Variants in NPSR1 observed in about 807,000 individuals in gnomAD.
The protein encoded by NPSR1 is neuropeptide S receptor 1.
NPSR1 carries 48 observed loss-of-function variants against 46.9 expected under a neutral mutation model. That is an observed-to-expected ratio of 1.02 (90% CI 0.81 to 1.30). The LOEUF is 1.30. NPSR1 is among the 50% of genes most tolerant of loss of function. The probability of loss-of-function intolerance (pLI) is 0.00; values close to 1 mark genes in which losing one functional copy is unlikely to be tolerated. For missense variants in NPSR1, 450 were observed against 449.5 expected (o/e 1.00, Z -0.01); for synonymous variants, 176 against 168.1 (o/e 1.05, Z -0.36).
intron 1 of NPSR1, among the ~76,000 whole-genome samples, chr7:34,672,175 G>A (rs1037190148): frequency 5.3e-5 from 8 of 152,220 alleles, no homozygotes; most frequent in South Asian, 2.1e-4. Flanking sequence ...CATTTCATTC[G>A]TTTATTCAGC....
At chr7:34,681,452 T>C (rs1222510939) in intron 1 of NPSR1, among the ~76,000 whole-genome samples, 1 of 152,194 alleles carries the variant, frequency 6.6e-6, no homozygotes. Context: ...ATCAGGCAAC[T>C]ACAAGGTAAG....
intron 2 of NPSR1, among the ~76,000 whole-genome samples, chr7:34,737,070 C>T (rs1784713323): frequency 6.6e-6 from 1 of 151,940 alleles, no homozygotes; most frequent in East Asian, 1.9e-4. Context: ...TTCTACTCCA[C>T]TGAGAAAGCT....
chr7:34,844,971 T>C lies in NPSR1; in HGVS notation c.833T>C (p.Ile278Thr), dbSNP rs762578459. ...ATCAAGGCTATCAAGTATAGCATCA[T>C]CATCATTCTTGGTAAGCAATGTCCC... ...AKIKAIKYSI[I>T]IILAFICCWS... is the part of the protein sequence containing the mutation. The change falls in exon 7 of 9, where the codon ATC becomes ACC. Residue 278 changes from isoleucine to threonine, a missense_variant. By Grantham distance (89) the Ile-to-Thr change is moderately conservative. Transcript: ENST00000360581. 6.2e-7 allele frequency: 1 copy of C among 1,609,862 alleles called. No homozygotes were observed. The highest frequency in any genetic ancestry group is 8.5e-7 in the Non-Finnish European group (1 of 1,176,100).
Position 34,811,665 on chromosome 7 carries a change from G to T in NPSR1, c.385-105G>T, listed in dbSNP as rs1365263545. 24 of 706,010 alleles carry T rather than the reference G, an allele frequency of 3.4e-5. No homozygotes were observed. The Middle Eastern group carries it at 7.5e-4, about 22-fold the overall frequency. The allele number at this position is 706,010 out of a possible 1,614,324, so 43.7% of individuals were successfully genotyped here. A position where few individuals can be genotyped will look rare whatever the true frequency, so the allele number is the denominator to read the frequency against. On this transcript the variant is annotated intron_variant, in intron 3 of 8. Transcript: ENST00000360581. ...CTAATCCAACACTCACCCCTTCTTT[G>T]GTTCACCTCTCAGATTTCTAAATAA...
intron 2 of NPSR1, among the ~76,000 whole-genome samples, chr7:34,713,621 C>A (rs1372069236): frequency 6.6e-6 from 1 of 152,128 alleles, no homozygotes; most frequent in Non-Finnish European, 1.5e-5. Context: ...GATCCAGATG[C>A]AATATTTAGA....
At chr7:34,730,768 A>G (rs1784383365) in intron 2 of NPSR1, among the ~76,000 whole-genome samples, 1 of 152,044 alleles carries the variant, frequency 6.6e-6, no homozygotes, top group African/African-American at 2.4e-5. Flanking sequence ...ATCTATATCT[A>G]TTTGGTTGTG....
At chr7:34,853,972 AAAAAAAACAAAAAAC>A (rs1277168470), downstream of NPSR1, among the ~76,000 whole-genome samples, 1 of 151,778 alleles carries the variant, frequency 6.6e-6, no homozygotes, top group Non-Finnish European at 1.5e-5. Flanking sequence ...GCCTGGAAAA[AAAAAAAACAAAAAAC>A]AAAAAAAACA....
chr7:34,762,433 T>C (rs1281702341), intron 2 of NPSR1, among the ~76,000 whole-genome samples: 1 of 152,212 alleles, frequency 6.6e-6, no homozygotes. Flanking sequence ...ATAATTTTAA[T>C]TGGCTAAGTA....
chr7:34,746,868 T>C (rs1230547735), intron 2 of NPSR1, among the ~76,000 whole-genome samples: 1 of 152,160 alleles, frequency 6.6e-6, no homozygotes, highest in Non-Finnish European at 1.5e-5. Flanking sequence ...GACTCTTGCC[T>C]GTAATCCCAG....
At chr7:34,692,739 A>G (rs1268924764) in intron 2 of NPSR1, among the ~76,000 whole-genome samples, 2 of 152,232 alleles carry the variant, frequency 1.3e-5, no homozygotes, top group Non-Finnish European at 2.9e-5. Flanking sequence ...GAGATTTAAA[A>G]AAAGATACAA....
intron 1 of NPSR1, among the ~76,000 whole-genome samples, chr7:34,661,716 G>A (rs1791460852): frequency 6.6e-6 from 1 of 152,150 alleles, no homozygotes; most frequent in Non-Finnish European, 1.5e-5. Context: ...CATGGGCCTT[G>A]TGTAACTAAC....
Position 34,684,521 on chromosome 7 carries a change from C to T in NPSR1, c.148-31C>T, listed in dbSNP as rs779164039. 5.6e-6 allele frequency: 9 copies of T among 1,609,310 alleles called. No homozygotes were observed. The African/African-American group carries it at 1.1e-4, about 19-fold the overall frequency. On this transcript the variant is annotated intron_variant, in intron 1 of 8. Coordinates refer to ENST00000360581, the MANE Select transcript of NPSR1 (RefSeq NM_207172.2). ...TAAAGAACTCCAGTTCTCACTGGTA[C>T]ACTGGTTTTATTTTTCTCTGTTTCT...
Position 34,878,233 on chromosome 7 carries a change from C to T in NPSR1, c.*49C>T, listed in dbSNP as rs369258299. Reference sequence around the variant, plus strand: ...TGGCCCTGTGCCTGGTGCCACTTCTCACTGCTTACCAGGGCACAAGGACAC... The same window carrying T: ...TGGCCCTGTGCCTGGTGCCACTTCTTACTGCTTACCAGGGCACAAGGACAC... On this transcript the variant is annotated 3_prime_UTR_variant, in exon 9 of 9. Transcript: ENST00000359791. 2.1e-5 allele frequency: 23 copies of T among 1,081,936 alleles called. No individual in the cohort carries two copies. In the African/African-American group the frequency reaches 3.6e-4, roughly 17 times the overall value. 67.0% of individuals were successfully genotyped at this position (1,081,936 alleles called of 1,614,324 possible).
At chr7:34,803,692 A>T (rs191880155) in intron 3 of NPSR1, among the ~76,000 whole-genome samples, 7 of 151,870 alleles carry the variant, frequency 4.6e-5, no homozygotes, top group Non-Finnish European at 4.4e-5. Context: ...CATTGTGTAC[A>T]TGTACCCTAA....
rs1448337688 is a variant in NPSR1, at chr7:34,760,321, T to C, written c.281-18141T>C. On this transcript the variant is annotated intron_variant, in intron 2 of 8. Transcript: ENST00000360581. Reference sequence around the variant, plus strand: ...CAGCACCAACAACAGCTACCCAGGTTTTATAGGGCAAGCATTTTACTAAAC... The same window carrying C: ...CAGCACCAACAACAGCTACCCAGGTCTTATAGGGCAAGCATTTTACTAAAC... Among the ~76,000 whole-genome samples, 3 of 152,188 alleles carry C rather than the reference T, an allele frequency of 2.0e-5. No homozygotes were observed. The East Asian group carries it at 5.8e-4, about 29-fold the overall frequency.
At chr7:34,703,419 T>C (rs1167631366) in intron 2 of NPSR1, among the ~76,000 whole-genome samples, 1 of 149,048 alleles carries the variant, frequency 6.7e-6, no homozygotes, top group Non-Finnish European at 1.5e-5. Flanking sequence ...ATTTTTTTTT[T>C]CACTTTAGCC....
chr7:34,788,829 T>A (rs1339166221), intron 3 of NPSR1, among the ~76,000 whole-genome samples: 1 of 151,988 alleles, frequency 6.6e-6, no homozygotes, highest in African/African-American at 2.4e-5. Context: ...ATATAGAACA[T>A]TTCACCTAGT....
chr7:34,667,325 G>C (rs1791800444), intron 1 of NPSR1, among the ~76,000 whole-genome samples: 1 of 152,210 alleles, frequency 6.6e-6, no homozygotes, highest in Admixed American at 6.5e-5. Context: ...TCATGTGGGA[G>C]GAAGAGTTTT....
chr7:34,868,442 A>G (rs1405643400), intron 8 of NPSR1, among the ~76,000 whole-genome samples: 2 of 151,730 alleles, frequency 1.3e-5, no homozygotes, highest in Non-Finnish European at 2.9e-5. Context: ...TTGAGGGTCA[A>G]CCTGCAAAAA....
Sources: gnomAD v4.1 joint callset for allele counts (sites outside exome capture counted in the v4.1 genomes callset) on GRCh38, gnomAD v4.1.1 for gene constraint, MANE v1.5 for transcripts, NCBI Gene and HGNC (gene_info 2026-07-23, HGNC 2026-07-21) for gene names.